The following SPOCK1 variants were observed in gnomAD, a reference collection of about 807,000 sequenced individuals.
SPOCK1 encodes testican-1.
A neutral mutation model predicts 55.3 loss-of-function variants in SPOCK1; 23 were observed. The ratio of observed to expected loss-of-function variants is 0.42; its 90% CI spans 0.30 to 0.59. SPOCK1 has a LOEUF of 0.59. Among genes scored for constraint, SPOCK1 ranks in the 20% least tolerant of loss-of-function variants. The probability of loss-of-function intolerance (pLI) is 0.22; values close to 1 mark genes in which losing one functional copy is unlikely to be tolerated. For missense variants in SPOCK1, 499 were observed against 552.5 expected (o/e 0.90, Z 0.97); for synonymous variants, 226 against 221.0 (o/e 1.02, Z -0.20).
chr5:136,992,483 C>T lies in SPOCK1; in HGVS notation c.706+1G>A. ...AAATGTGATATTTAAAATGGTCTTA[C>T]TGCCTTGGGCTGTGTTGGAGCTGGT... On this transcript the variant is annotated splice_donor_variant, in intron 7 of 10. Transcript: ENST00000394945. LOFTEE classifies it high-confidence loss of function. The T allele has an allele frequency of 6.2e-7, 1 of 1,602,408 alleles. No homozygotes were observed. The highest frequency in any genetic ancestry group is 8.5e-7 in the Non-Finnish European group (1 of 1,173,626).
chr5:137,252,989 C>A (rs376685388), intron 3 of SPOCK1, among the ~76,000 whole-genome samples: 52 of 152,266 alleles, frequency 3.4e-4, no homozygotes, highest in African/African-American at 1.1e-3. Context: ...ACTTCCTATG[C>A]CATTCTTTAT....
chr5:136,988,420 A>ACCT lies in SPOCK1; in HGVS notation c.927_928+1dup. The ACCT allele has an allele frequency of 6.2e-7, 1 of 1,612,376 alleles. No individual in the cohort carries two copies. The highest frequency in any genetic ancestry group is 8.5e-7 in the Non-Finnish European group (1 of 1,178,724). ...GGACCCCAACCCTCCATCCCACCTT[A>ACCT]CCTCCAGGCTTCTGGAAGCAGTAGC... is the stretch of plus-strand genomic sequence containing the variant. On this transcript the variant is annotated splice_donor_variant, in intron 8 of 10. Transcript: ENST00000394945. LOFTEE classifies it high-confidence loss of function.
At chr5:137,332,189 C>T (rs1758199747) in intron 2 of SPOCK1, among the ~76,000 whole-genome samples, 1 of 152,032 alleles carries the variant, frequency 6.6e-6, no homozygotes, top group Admixed American at 6.6e-5. Flanking sequence ...CTCCTGGGAT[C>T]CCCACCCTTC....
rs1406860282 is a variant in SPOCK1, at chr5:137,308,591, T to C, written c.187-41536A>G. Among the ~76,000 whole-genome samples the C allele has an allele frequency of 2.0e-5, 3 of 152,216 alleles. No individual in the cohort carries two copies. In the South Asian group the frequency reaches 6.2e-4, roughly 32 times the overall value. On this transcript the variant is annotated intron_variant, in intron 2 of 10. Coordinates refer to ENST00000394945, the MANE Select transcript of SPOCK1 (RefSeq NM_004598.4). Reference sequence around the variant, plus strand: ...TACCAGAAGGCCCTGGCTCCTGGCCTCTGGTATCATCACTGCCTCCTCCCG... The same window carrying C: ...TACCAGAAGGCCCTGGCTCCTGGCCCCTGGTATCATCACTGCCTCCTCCCG...
intron 2 of SPOCK1, among the ~76,000 whole-genome samples, chr5:137,455,116 C>T (rs1158074472): frequency 6.6e-6 from 1 of 152,138 alleles, no homozygotes; most frequent in Non-Finnish European, 1.5e-5. Flanking sequence ...AGAAATGGTG[C>T]CACATTTTGA....
At chr5:137,282,467 TCTGCAGGCGTC>T (rs1380090918) in intron 2 of SPOCK1, among the ~76,000 whole-genome samples, 2 of 152,276 alleles carry the variant, frequency 1.3e-5, no homozygotes, top group African/African-American at 2.4e-5. Flanking sequence ...CATCCAGCTG[TCTGCAGGCGTC>T]CTGCCTAGGA....
intron 2 of SPOCK1, among the ~76,000 whole-genome samples, chr5:137,464,843 G>A (rs980219673): frequency 3.3e-5 from 5 of 152,150 alleles, no homozygotes; most frequent in Non-Finnish European, 7.3e-5. Flanking sequence ...TGGAGTGTGA[G>A]CATATATGTG....
chr5:137,240,617 C>T (rs1248493689), intron 3 of SPOCK1, among the ~76,000 whole-genome samples: 1 of 152,142 alleles, frequency 6.6e-6, no homozygotes, highest in Non-Finnish European at 1.5e-5. Flanking sequence ...CACAGGAAGA[C>T]AAACTCACAG....
intron 2 of SPOCK1, among the ~76,000 whole-genome samples, chr5:137,338,947 A>C (rs1054160295): frequency 6.6e-6 from 1 of 152,200 alleles, no homozygotes; most frequent in Non-Finnish European, 1.5e-5. Context: ...TCAATGCCTG[A>C]CATGTGGGAG....
intron 2 of SPOCK1, among the ~76,000 whole-genome samples, chr5:137,405,681 C>T (rs1207835079): frequency 6.6e-6 from 1 of 152,208 alleles, no homozygotes; most frequent in Non-Finnish European, 1.5e-5. Context: ...CCACCGACAA[C>T]ATCGAAATTG....
At chr5:137,476,345 T>C (rs2149841076) in intron 2 of SPOCK1, among the ~76,000 whole-genome samples, 1 of 152,088 alleles carries the variant, frequency 6.6e-6, no homozygotes, top group Admixed American at 6.5e-5. Context: ...GAAACACAGG[T>C]GGGAGCAAGC....
chr5:136,981,824 G>A (rs1274854688), intron 9 of SPOCK1, among the ~76,000 whole-genome samples: 2 of 152,164 alleles, frequency 1.3e-5, no homozygotes, highest in South Asian at 4.1e-4. Context: ...GTATGTCAAA[G>A]TTTCTGAAAA....
intron 2 of SPOCK1, among the ~76,000 whole-genome samples, chr5:137,344,593 G>A (rs1272615158): frequency 2.0e-5 from 3 of 152,220 alleles, no homozygotes; most frequent in Non-Finnish European, 2.9e-5. Context: ...GTGGGTAGAG[G>A]TCAGGGATGC....
intron 3 of SPOCK1, among the ~76,000 whole-genome samples, chr5:137,169,666 C>T (rs1754711437): frequency 6.6e-6 from 1 of 152,160 alleles, no homozygotes; most frequent in South Asian, 2.1e-4. Flanking sequence ...ATTTAGAGAA[C>T]ATCAACTATG....
At chr5:137,410,625 T>G (rs930864991) in intron 2 of SPOCK1, among the ~76,000 whole-genome samples, 3 of 152,204 alleles carry the variant, frequency 2.0e-5, no homozygotes, top group African/African-American at 2.4e-5. Flanking sequence ...AAGTATTAAA[T>G]AGGGACTGCA....
intron 3 of SPOCK1, among the ~76,000 whole-genome samples, chr5:137,230,059 G>T (rs1464369876): frequency 1.3e-5 from 2 of 152,160 alleles, no homozygotes. Flanking sequence ...TTAACAAAAG[G>T]GGCCAGTCAG....
chr5:137,094,955 T>C (rs1753116063), intron 5 of SPOCK1, among the ~76,000 whole-genome samples: 1 of 152,218 alleles, frequency 6.6e-6, no homozygotes, highest in Non-Finnish European at 1.5e-5. Context: ...ACTCTTCCTT[T>C]CGCCTGAACA....
At chr5:137,464,241 G>A (rs1292042914) in intron 2 of SPOCK1, among the ~76,000 whole-genome samples, 3 of 152,190 alleles carry the variant, frequency 2.0e-5, no homozygotes, top group Admixed American at 2.0e-4. Context: ...GGTTGAGGCT[G>A]CAGTGAGCCA....
At chr5:137,347,591 C>T (rs73296900) in intron 2 of SPOCK1, among the ~76,000 whole-genome samples, 9,802 of 152,110 alleles carry the variant, frequency 0.064, 660 homozygotes, top group African/African-American at 0.17. Flanking sequence ...TGTGGTGGCA[C>T]GGGCCTGTTA....
Sources: gnomAD v4.1 joint callset for allele counts (sites outside exome capture counted in the v4.1 genomes callset) on GRCh38, gnomAD v4.1.1 for gene constraint, MANE v1.5 for transcripts, NCBI Gene and HGNC (gene_info 2026-07-23, HGNC 2026-07-21) for gene names.